BRCA2: variants seen among roughly 807,000 people sequenced by gnomAD.
BRCA2 encodes the protein BRCA2 DNA repair associated.
Under a neutral mutation model 276.7 loss-of-function variants are expected in BRCA2, and 203 were observed. The ratio of observed to expected loss-of-function variants is 0.73; its 90% confidence interval spans 0.65 to 0.82. The LOEUF is 0.82. Among genes scored for constraint, BRCA2 ranks in the 40% least tolerant of loss-of-function variants. The pLI is 0.00. For missense variants in BRCA2, 3,920 were observed against 3,915.0 expected, an observed-to-expected ratio of 1.00 and a Z score of -0.03; for synonymous variants, 1,289 against 1,338.4, an observed-to-expected ratio of 0.96 and a Z score of 0.81.
intron 3 of BRCA2, among the ~76,000 whole-genome samples, chr13:32,322,305 G>C (rs2072311120): frequency 6.6e-6 from 1 of 152,192 alleles, no homozygotes; most frequent in Non-Finnish European, 1.5e-5. Context: ...CTCGATTGTA[G>C]AGACCCTAAC....
In BRCA2 at chr13:32,332,780, A is replaced by C. The variant is rs200552004; in HGVS notation, c.1302A>C (p.Lys434Asn). 1.2e-6 allele frequency: 2 copies of C among 1,607,290 alleles called. No individual in the cohort carries two copies. Among genetic ancestry groups the C allele is most frequent in the Admixed American group, 3.4e-5 (2 of 58,138 alleles). ...SEKDLLDTEN[K>N]RKKDFLTSEN... Reference sequence around the variant, plus strand: ...AAGACCTATTAGACACAGAGAACAAAAGAAAGAAAGATTTTCTTACTTCAG... The same window carrying C: ...AAGACCTATTAGACACAGAGAACAACAGAAAGAAAGATTTTCTTACTTCAG... Residue 434 changes from lysine to asparagine, a missense_variant, in exon 10 of 27, where the codon AAA becomes AAC. Coordinates refer to ENST00000380152, the MANE Select transcript of BRCA2 (RefSeq NM_000059.4).
rs1197305103 is a variant in BRCA2 at position 32,326,143 on chromosome 13, T to G, written c.468T>G (p.Asp156Glu). 6.2e-7 allele frequency: 1 copy of G among 1,609,132 alleles called. No homozygotes were observed. Among genetic ancestry groups the G allele is most frequent in the South Asian group, 1.1e-5 (1 of 90,888 alleles). Residue 156 changes from aspartate to glutamate, a missense_variant, in exon 5 of 27, where the codon GAT (aspartate) becomes GAG (glutamate). Physicochemically the swap from Asp to Glu is conservative, Grantham distance 45 (BLOSUM62 2). Transcript: ENST00000380152. Reference sequence around the variant, plus strand: ...GTACACATGTAACACCACAAAGAGATAAGTCAGGTATGATTAAAAACAATG... The same window carrying G: ...GTACACATGTAACACCACAAAGAGAGAAGTCAGGTATGATTAAAAACAATG... ...LQCTHVTPQRDKSVVCGSLFH... is the reference protein window; with the variant it reads ...LQCTHVTPQREKSVVCGSLFH...
chr13:32,355,209 T>C lies in BRCA2; in HGVS notation c.7356T>C (p.Asn2452=). ...SDDSKNKIND[N]EIHQFNKNNS... ...ATAGTAAAAATAAGATTAATGACAATGAGATTCATCAGTTTAACAAAAACA... is the reference window on the plus strand; with the variant it reads ...ATAGTAAAAATAAGATTAATGACAACGAGATTCATCAGTTTAACAAAAACA... Residue 2452 remains asparagine, a synonymous_variant, in exon 14 of 27, where the codon AAT becomes AAC. Coordinates refer to ENST00000380152, the MANE Select transcript of BRCA2 (RefSeq NM_000059.4). 1 of 1,613,378 alleles carries C rather than the reference T, an allele frequency of 6.2e-7. No individual in the cohort carries two copies. The highest frequency in any genetic ancestry group is 1.1e-5 in the South Asian group (1 of 91,058).
At chr13:32,350,748 G>A (rs187427529) in intron 13 of BRCA2, among the ~76,000 whole-genome samples, 23 of 151,170 alleles carry the variant, frequency 1.5e-4, no homozygotes, top group Non-Finnish European at 2.4e-4. Context: ...GCGAGACTCC[G>A]TCTCAAAAAA....
Position 32,398,905 on chromosome 13 carries a change from G to GT in BRCA2, c.*138dup. The GT allele has an allele frequency of 8.2e-7, 1 of 1,212,830 alleles. No individual in the cohort carries two copies. The highest frequency in any genetic ancestry group is 1.1e-6 in the Non-Finnish European group (1 of 897,066). The allele number at this position is 1,212,830 out of a possible 1,614,324, so 75.1% of individuals were successfully genotyped here. The stretch of plus-strand genomic sequence containing the variant: ...AAATTAGTTTCAAATTTACCTCAGC[G>GT]TTTGTGTATCGGGCAAAAATCGTTT... On this transcript the variant is annotated 3_prime_UTR_variant, in exon 27 of 27. Transcript: ENST00000380152.
At chr13:32,382,286 G>A (rs1462869921) in intron 24 of BRCA2, among the ~76,000 whole-genome samples, 1 of 152,190 alleles carries the variant, frequency 6.6e-6, no homozygotes, top group Non-Finnish European at 1.5e-5. Context: ...CGTGAGACTG[G>A]ATGAGGTCAC....
At chr13:32,358,419 T>C (rs949460104) in intron 16 of BRCA2, among the ~76,000 whole-genome samples, 2 of 148,600 alleles carry the variant, frequency 1.3e-5, no homozygotes, top group Admixed American at 1.4e-4. Flanking sequence ...GAGGTTGCAG[T>C]GAGCCAAGAT....
intron 8 of BRCA2, among the ~76,000 whole-genome samples, chr13:32,330,337 G>C (rs1313591696): frequency 6.6e-6 from 1 of 152,214 alleles, no homozygotes; most frequent in African/African-American, 2.4e-5. Context: ...CTCACAGATA[G>C]ATTTGTTCTT....
intron 13 of BRCA2, among the ~76,000 whole-genome samples, chr13:32,353,018 G>C (rs11571702): frequency 1.3e-3 from 191 of 152,266 alleles, no homozygotes; most frequent in Admixed American, 2.6e-3. Flanking sequence ...TCAATCAATA[G>C]AAGTTTGGGG....
At chr13:32,371,132 T>G (rs1404472778) in intron 20 of BRCA2, 32 bp downstream of exon 20, 1 of 1,604,602 alleles carries the variant, frequency 6.2e-7, no homozygotes, top group African/African-American at 1.3e-5. Flanking sequence ...ACATTGTTAT[T>G]TCTAATATGA....
chr13:32,331,131 T>A (rs1301579082), intron 9 of BRCA2, 101 bp downstream of exon 9: 16 of 805,620 alleles, frequency 2.0e-5, no homozygotes, highest in African/African-American at 5.2e-5. Flanking sequence ...TGATCTCGGT[T>A]TACCGCAACC....
intron 18 of BRCA2, among the ~76,000 whole-genome samples, chr13:32,367,398 C>T (rs2072790685): frequency 6.6e-6 from 1 of 151,906 alleles, no homozygotes; most frequent in South Asian, 2.1e-4. Context: ...GATTGTGCCA[C>T]TGCATTCTAG....
intron 2 of BRCA2, among the ~76,000 whole-genome samples, chr13:32,318,221 T>C (rs943760702): frequency 6.6e-6 from 1 of 152,188 alleles, no homozygotes; most frequent in African/African-American, 2.4e-5. Context: ...AATGTCAACA[T>C]CATGAAAAAG....
rs2137462449 is a variant in BRCA2, at chr13:32,331,050, G to C, written c.793+20G>C. 6.5e-7 allele frequency: 1 copy of C among 1,530,672 alleles called. No homozygotes were observed. The highest frequency in any genetic ancestry group is 1.1e-5 in the South Asian group (1 of 88,336). 94.8% of individuals were successfully genotyped at this position (1,530,672 alleles called of 1,614,324 possible). A position where few individuals can be genotyped will look rare whatever the true frequency, so the allele number is the denominator to read the frequency against. The stretch of plus-strand genomic sequence containing the variant: ...GTCATGGTAAGTCCTCTGTTTAGTT[G>C]AACTACAGGTTTTTTTGTTGTTGTT... On this transcript the variant is annotated intron_variant, in intron 9 of 26. Transcript: ENST00000380152.
chr13:32,390,785 A>G (rs781059117), intron 24 of BRCA2, among the ~76,000 whole-genome samples: 1 of 152,188 alleles, frequency 6.6e-6, no homozygotes, highest in Non-Finnish European at 1.5e-5. Context: ...CTCTTCAAGG[A>G]CAGGGACTCT....
chr13:32,371,244 T>G, intron 20 of BRCA2, 144 bp downstream of exon 20: 3 of 839,256 alleles, frequency 3.6e-6, no homozygotes, highest in Non-Finnish European at 5.4e-6. Flanking sequence ...AGGGTATTCT[T>G]TTTTGGTGTT....
chr13:32,369,332 G>A (rs536591754), intron 18 of BRCA2, among the ~76,000 whole-genome samples: 1 of 152,138 alleles, frequency 6.6e-6, no homozygotes, highest in East Asian at 1.9e-4. Context: ...TTTCAACTAC[G>A]TTTGTACAAA....
Position 32,319,094 on chromosome 13 carries a change from C to G in BRCA2, c.85C>G (p.Leu29Val), listed in dbSNP as rs1424422846. Residue 29 changes from leucine (L) to valine (V), a missense_variant, in exon 3 of 27, where the codon CTT becomes GTT. Leu to Val is a conservative substitution (Grantham distance 32). Transcript: ENST00000380152. ...CNKADLGPIS[L>V]NWFEELSSEA... ...TTAAATAGATTTAGGACCAATAAGT[C>G]TTAATTGGTTTGAAGAACTTTCTTC... 6.2e-7 allele frequency: 1 copy of G among 1,611,454 alleles called. No homozygotes were observed. Among genetic ancestry groups the G allele is most frequent in the African/African-American group, 1.3e-5 (1 of 74,880 alleles).
intron 20 of BRCA2, 38 bp downstream of exon 20, chr13:32,371,138 T>C (rs958024148): frequency 1.3e-6 from 2 of 1,599,544 alleles, no homozygotes; most frequent in African/African-American, 2.7e-5. Context: ...TTATTTCTAA[T>C]ATGAGAACAA....
Sources: gnomAD v4.1 joint callset for allele counts (sites outside exome capture counted in the v4.1 genomes callset) on GRCh38, gnomAD v4.1.1 for gene constraint, MANE v1.5 for transcripts, NCBI Gene and HGNC (gene_info 2026-07-23, HGNC 2026-07-21) for gene names.